The following MSH3 variants were observed in gnomAD, a reference collection of about 807,000 sequenced individuals.
The protein encoded by MSH3 is DNA mismatch repair protein Msh3.
In MSH3, 106 loss-of-function variants were observed where a neutral mutation model predicts 123.3. The ratio of observed to expected loss-of-function variants is 0.86; its 90% CI spans 0.73 to 1.01. The LOEUF (loss-of-function observed/expected upper bound fraction) is 1.01. Among genes scored for constraint, MSH3 ranks in the 50% least tolerant of loss-of-function variants. The probability of loss-of-function intolerance (pLI) is 0.00; values close to 1 mark genes in which losing one functional copy is unlikely to be tolerated. For synonymous variants in MSH3, 515 were observed against 481.4 expected (o/e 1.07, Z -0.91); for missense variants, 1,459 against 1,347.6 (o/e 1.08, Z -1.29).
Position 80,778,816 on chromosome 5 carries a change from T to C in MSH3, c.2415T>C (p.Ala805=). ...LREQLVLDCS[A]EWLDFLEKFS... is the part of the protein sequence containing the mutation. ...AGCAGCTAGTCCTTGACTGCAGTGC[T>C]GAATGGCTTGATTTTCTAGAGTGAG... The change falls in exon 17 of 24, where the codon GCT becomes GCC. Residue 805 remains alanine (A), a synonymous_variant. Coordinates refer to ENST00000265081, the MANE Select transcript of MSH3 (RefSeq NM_002439.5). The C allele has an allele frequency of 6.3e-7, 1 of 1,583,166 alleles. No homozygotes were observed. The highest frequency in any genetic ancestry group is 1.1e-5 in the South Asian group (1 of 90,438).
intron 20 of MSH3, among the ~76,000 whole-genome samples, chr5:80,837,278 C>G (rs1745531828): frequency 6.6e-6 from 1 of 152,040 alleles, no homozygotes; most frequent in Non-Finnish European, 1.5e-5. Context: ...AACTAGTTTG[C>G]AAGAATACTA....
chr5:80,853,997 T>A (rs1269018353), intron 20 of MSH3, 133 bp from the exon 21 acceptor site: 115 of 727,264 alleles, frequency 1.6e-4, no homozygotes, highest in Non-Finnish European at 2.4e-4. Context: ...TTGTTTAATT[T>A]AATTTGAGCT....
intron 8 of MSH3, among the ~76,000 whole-genome samples, chr5:80,706,776 C>T (rs535999382): frequency 1.3e-5 from 2 of 152,226 alleles, no homozygotes; most frequent in African/African-American, 2.4e-5. Context: ...CACATTTGCA[C>T]AGGAATTTGT....
At chr5:80,659,993 C>G (rs763930526) in intron 2 of MSH3, among the ~76,000 whole-genome samples, 23 of 151,902 alleles carry the variant, frequency 1.5e-4, no homozygotes, top group Non-Finnish European at 2.5e-4. Flanking sequence ...CACAAGCAAA[C>G]TTAGATACAT....
chr5:80,658,789 G>A (rs1308697110), intron 2 of MSH3, among the ~76,000 whole-genome samples: 1 of 151,882 alleles, frequency 6.6e-6, no homozygotes, highest in Non-Finnish European at 1.5e-5. Flanking sequence ...TTAGAGACAG[G>A]GTTTTGCTGT....
chr5:80,708,497 G>A (rs962722577), intron 8 of MSH3, among the ~76,000 whole-genome samples: 17 of 150,534 alleles, frequency 1.1e-4, no homozygotes, highest in African/African-American at 3.4e-4. Flanking sequence ...TCGCTTTTTC[G>A]CCCAGGCTGG....
intron 11 of MSH3, among the ~76,000 whole-genome samples, chr5:80,743,843 C>CAAA (rs770547257): frequency 2.8e-4 from 1 of 3,534 alleles, no homozygotes; most frequent in Non-Finnish European, 5.5e-4. Flanking sequence ...GACTCCGTCT[C>CAAA]AAAAAAAAAA....
intron 18 of MSH3, among the ~76,000 whole-genome samples, chr5:80,788,910 A>G (rs1015070032): frequency 6.6e-6 from 1 of 152,126 alleles, no homozygotes; most frequent in African/African-American, 2.4e-5. Context: ...TATTCCCTTC[A>G]CTGCCATAGG....
At chr5:80,805,648 A>G (rs1412336128) in intron 19 of MSH3, among the ~76,000 whole-genome samples, 4 of 119,646 alleles carry the variant, frequency 3.3e-5, no homozygotes, top group East Asian at 5.5e-4. Context: ...AGGCTGGAGT[A>G]CAGTGTCTCA....
intron 19 of MSH3, among the ~76,000 whole-genome samples, chr5:80,805,714 C>T (rs1007041577): frequency 6.6e-6 from 1 of 151,442 alleles, no homozygotes; most frequent in African/African-American, 2.4e-5. Flanking sequence ...CCTGCCTCAG[C>T]CTCCTGAGTA....
At chr5:80,744,726 A>G (rs572797349) in intron 12 of MSH3, 111 bp downstream of exon 12, 5 of 801,414 alleles carry the variant, frequency 6.2e-6, no homozygotes, top group African/African-American at 1.7e-5. Context: ...TTTAAATTGG[A>G]GAACATTTTA....
At chr5:80,792,679 T>C in intron 18 of MSH3, 54 bp from the exon 19 acceptor site, 1 of 1,109,610 alleles carries the variant, frequency 9.0e-7, no homozygotes, top group Non-Finnish European at 1.4e-6. Context: ...TTAGAGTTTT[T>C]TTTTTAAGGC....
intron 20 of MSH3, among the ~76,000 whole-genome samples, chr5:80,826,923 G>A (rs1441038470): frequency 2.0e-5 from 3 of 152,100 alleles, no homozygotes; most frequent in Non-Finnish European, 4.4e-5. Context: ...TTTTTAAAAA[G>A]TAGAGTTTTG....
At chr5:80,746,635 G>T in intron 12 of MSH3, 1 of 339,026 alleles carries the variant, frequency 2.9e-6, no homozygotes, top group South Asian at 2.5e-5. Flanking sequence ...CCATTTTTGT[G>T]GTGGGTACAC....
chr5:80,747,940 C>T (rs1312024304), intron 12 of MSH3, among the ~76,000 whole-genome samples: 1 of 152,084 alleles, frequency 6.6e-6, no homozygotes, highest in Non-Finnish European at 1.5e-5. Flanking sequence ...CAGAATGTAT[C>T]CCCATCATTA....
At chr5:80,833,537 G>A (rs1745456908) in intron 20 of MSH3, among the ~76,000 whole-genome samples, 1 of 152,166 alleles carries the variant, frequency 6.6e-6, no homozygotes, top group South Asian at 2.1e-4. Flanking sequence ...CCACCTCCCG[G>A]GTTCAAGTGA....
chr5:80,778,980 C>CTT (rs1366541253), intron 17 of MSH3, 144 bp downstream of exon 17: 194 of 393,684 alleles, frequency 4.9e-4, no homozygotes, highest in East Asian at 7.2e-4. Flanking sequence ...GATTTTATTT[C>CTT]TTTTTTTTTT....
intron 20 of MSH3, among the ~76,000 whole-genome samples, chr5:80,841,979 C>T (rs1745633266): frequency 6.6e-6 from 1 of 152,078 alleles, no homozygotes; most frequent in African/African-American, 2.4e-5. Context: ...AAGTCCTTGC[C>T]CATGCCTATG....
chr5:80,705,142 A>C (rs1447319638), intron 8 of MSH3, among the ~76,000 whole-genome samples: 1 of 152,326 alleles, frequency 6.6e-6, no homozygotes, highest in Non-Finnish European at 1.5e-5. Context: ...TTCAGCATTT[A>C]TTTCTCTACC....
Sources: gnomAD v4.1 joint callset for allele counts (sites outside exome capture counted in the v4.1 genomes callset) on GRCh38, gnomAD v4.1.1 for gene constraint, MANE v1.5 for transcripts, NCBI Gene and HGNC (gene_info 2026-07-23, HGNC 2026-07-21) for gene names.